Variants in SHANK2 observed in about 807,000 individuals in gnomAD.
SHANK2 encodes the protein SH3 and multiple ankyrin repeat domains protein 2.
In SHANK2, 43 loss-of-function variants were observed where a neutral mutation model predicts 133.7. The observed-to-expected ratio is 0.32, with a 90% confidence interval of 0.25 to 0.41. The LOEUF (loss-of-function observed/expected upper bound fraction) is 0.41, where lower values mean the gene tolerates loss of function less well. Among genes scored for constraint, SHANK2 ranks in the 10% least tolerant of loss-of-function variants. The pLI is 1.00. For missense variants in SHANK2, 1,994 were observed against 2,235.8 expected, an observed-to-expected ratio of 0.89 and a Z score of 2.18; for synonymous variants, 1,017 against 952.8, an observed-to-expected ratio of 1.07 and a Z score of -1.24.
In SHANK2 at chr11:71,090,709, G is replaced by T. The variant is rs536617950; in HGVS notation, c.912+1713C>A. Among the ~76,000 whole-genome samples the T allele has an allele frequency of 1.2e-3, 179 of 152,094 alleles. 1 individual carries two copies. The highest frequency in any genetic ancestry group is 2.0e-3 in the Non-Finnish European group (139 of 68,014). On this transcript the variant is annotated intron_variant, in intron 8 of 25. Transcript: ENST00000601538. ...TGTTATATATGTATATGCACGCAGA[G>T]AATTTTTAAAAGTTTAGAGCTTAGA...
At chr11:70,911,684 G>A (rs1387356604) in intron 10 of SHANK2, among the ~76,000 whole-genome samples, 2 of 152,186 alleles carry the variant, frequency 1.3e-5, no homozygotes, top group Non-Finnish European at 1.5e-5. Flanking sequence ...AGCTGTGAGT[G>A]CACCTGCAGC....
intron 2 of SHANK2, among the ~76,000 whole-genome samples, chr11:71,204,029 A>G (rs1386788289): frequency 5.9e-5 from 9 of 151,860 alleles, no homozygotes; most frequent in African/African-American, 2.2e-4. Context: ...GCTGTGATGA[A>G]CCCTGCCTGT....
At chr11:70,777,234 G>C (rs1555044102) in intron 14 of SHANK2, among the ~76,000 whole-genome samples, 2 of 145,954 alleles carry the variant, frequency 1.4e-5, no homozygotes, top group Admixed American at 1.4e-4. Context: ...TATCCTCCCA[G>C]CTACCCATCC....
intron 9 of SHANK2, among the ~76,000 whole-genome samples, chr11:71,068,904 C>G (rs1324709981): frequency 6.6e-6 from 1 of 151,962 alleles, no homozygotes; most frequent in Non-Finnish European, 1.5e-5. Context: ...CCACCACCAT[C>G]ATCACCATCA....
intron 17 of SHANK2, chr11:70,654,559 T>G (rs1291294208): frequency 6.6e-6 from 1 of 152,192 alleles, no homozygotes; most frequent in Non-Finnish European, 1.5e-5. Context: ...TGCTGATCAT[T>G]TTGATTCTGC....
intron 2 of SHANK2, among the ~76,000 whole-genome samples, chr11:71,218,080 T>C (rs1243113171): frequency 6.6e-6 from 1 of 151,904 alleles, no homozygotes; most frequent in Non-Finnish European, 1.5e-5. Context: ...TCGATCTCCT[T>C]ACCTTGTGAT....
At chr11:71,089,445 G>C (rs959357412) in intron 8 of SHANK2, among the ~76,000 whole-genome samples, 1 of 151,344 alleles carries the variant, frequency 6.6e-6, no homozygotes, top group Admixed American at 6.6e-5. Flanking sequence ...GCGTGCGTGC[G>C]AGTGTGTGTG....
At chr11:71,139,780 C>T (rs781840408) in intron 3 of SHANK2, among the ~76,000 whole-genome samples, 1 of 152,196 alleles carries the variant, frequency 6.6e-6, no homozygotes, top group Non-Finnish European at 1.5e-5. Flanking sequence ...CACCCACACA[C>T]GACTATTCAA....
At chr11:70,737,860 T>G (rs1946436996) in intron 14 of SHANK2, among the ~76,000 whole-genome samples, 1 of 152,202 alleles carries the variant, frequency 6.6e-6, no homozygotes, top group Non-Finnish European at 1.5e-5. Context: ...AGCTGGCACT[T>G]AAATGAAAAA....
intron 9 of SHANK2, among the ~76,000 whole-genome samples, chr11:71,070,124 G>A (rs984461557): frequency 2.6e-5 from 4 of 152,164 alleles, no homozygotes; most frequent in Non-Finnish European, 4.4e-5. Context: ...TCACTTACTG[G>A]CACCTGGAAG....
chr11:70,809,608 C>T (rs1369083435), intron 12 of SHANK2, among the ~76,000 whole-genome samples: 8 of 152,188 alleles, frequency 5.3e-5, no homozygotes, highest in Non-Finnish European at 8.8e-5. Context: ...CCATGGGGAC[C>T]TTACCCATGT....
At chr11:71,074,908 T>C (rs1248056846) in intron 9 of SHANK2, among the ~76,000 whole-genome samples, 3 of 151,482 alleles carry the variant, frequency 2.0e-5, no homozygotes, top group Admixed American at 2.0e-4. Context: ...GCTTCCCGAG[T>C]AGCTGGGACT....
At chr11:70,710,961 T>C (rs1433510409) in intron 14 of SHANK2, among the ~76,000 whole-genome samples, 2 of 152,006 alleles carry the variant, frequency 1.3e-5, no homozygotes, top group Non-Finnish European at 2.9e-5. Flanking sequence ...TTCCTGAAGA[T>C]TTATCTGCAA....
chr11:71,152,862 C>A (rs1475738986), intron 2 of SHANK2, among the ~76,000 whole-genome samples: 1 of 152,158 alleles, frequency 6.6e-6, no homozygotes, highest in Non-Finnish European at 1.5e-5. Flanking sequence ...GAACAGCAGA[C>A]ACCTGATCAC....
At chr11:70,667,698 C>T (rs937019282) in intron 15 of SHANK2, 2 of 152,364 alleles carry the variant, frequency 1.3e-5, no homozygotes, top group Admixed American at 6.5e-5. Context: ...ACCTGATCCT[C>T]GAGGTGATGT....
At position 70,470,077 on chromosome 11, in the gene SHANK2, A is replaced by G. The variant is rs2058579373; in HGVS notation, c.*2792T>C. The stretch of plus-strand genomic sequence containing the variant: ...ATTTGTTCCACCATTAAAGAGGGGC[A>G]TGGAATAGGGCCTCGTCCTAACATG... On this transcript the variant is annotated 3_prime_UTR_variant, in exon 26 of 26. Coordinates refer to ENST00000601538, the MANE Select transcript of SHANK2 (RefSeq NM_012309.5). 1 of 152,644 alleles carries G rather than the reference A, an allele frequency of 6.6e-6. No homozygotes were observed. The highest frequency in any genetic ancestry group is 6.5e-5 in the Admixed American group (1 of 15,286). The allele number at this position is 152,644 out of a possible 1,614,324, so 9.5% of individuals were successfully genotyped here. A position where few individuals can be genotyped will look rare whatever the true frequency, so the allele number is the denominator to read the frequency against.
At chr11:70,878,156 C>T (rs61885506) in intron 11 of SHANK2, among the ~76,000 whole-genome samples, 26,550 of 152,214 alleles carry the variant, frequency 0.17, 2,975 homozygotes, top group Non-Finnish European at 0.25. Flanking sequence ...GAAGTCAGCA[C>T]TGCAGAAGGC....
At chr11:71,238,900 T>C (rs550239393) in intron 1 of SHANK2, among the ~76,000 whole-genome samples, 1 of 152,354 alleles carries the variant, frequency 6.6e-6, no homozygotes, top group Non-Finnish European at 1.5e-5. Flanking sequence ...CATGGGAAGA[T>C]GTAGGGGTGG....
At chr11:70,620,559 A>G (rs1317792829) in intron 17 of SHANK2, among the ~76,000 whole-genome samples, 1 of 143,246 alleles carries the variant, frequency 7.0e-6, no homozygotes, top group African/African-American at 2.7e-5. Context: ...CTTCACAACT[A>G]TCTGGGTTGT....
Sources: gnomAD v4.1 joint callset for allele counts (sites outside exome capture counted in the v4.1 genomes callset) on GRCh38, gnomAD v4.1.1 for gene constraint, MANE v1.5 for transcripts, NCBI Gene and HGNC (gene_info 2026-07-23, HGNC 2026-07-21) for gene names.